MEI4: variants seen among roughly 807,000 people sequenced by gnomAD.
MEI4 encodes meiosis-specific protein MEI4.
A neutral mutation model predicts 31.4 loss-of-function variants in MEI4; 27 were observed. The observed-to-expected ratio is 0.86, with a 90% confidence interval of 0.63 to 1.19. The LOEUF (loss-of-function observed/expected upper bound fraction) is 1.19, where lower values mean the gene tolerates loss of function less well. MEI4 is among the 50% of genes most tolerant of loss of function. MEI4 has a pLI of 0.00. For synonymous variants in MEI4, 122 were observed against 145.4 expected (o/e 0.84, Z 1.16); for missense variants, 329 against 398.9 (o/e 0.82, Z 1.49).
chr6:77,893,908 C>A (rs1397490890), intron 4 of MEI4, among the ~76,000 whole-genome samples: 1 of 152,026 alleles, frequency 6.6e-6, no homozygotes, highest in Non-Finnish European at 1.5e-5. Context: ...TACATATGAA[C>A]CTTCCTTAAA....
At chr6:77,843,229 A>G (rs1440163583) in intron 4 of MEI4, among the ~76,000 whole-genome samples, 1 of 151,942 alleles carries the variant, frequency 6.6e-6, no homozygotes, top group Non-Finnish European at 1.5e-5. Flanking sequence ...TACTTGAGAG[A>G]AGCAGCTCAT....
intron 2 of MEI4, among the ~76,000 whole-genome samples, chr6:77,747,236 C>T (rs1767634923): frequency 6.6e-6 from 1 of 151,944 alleles, no homozygotes; most frequent in African/African-American, 2.4e-5. Flanking sequence ...CACTTGAACC[C>T]AGGAAGCAGA....
chr6:77,850,070 T>C (rs1770579175), intron 4 of MEI4, among the ~76,000 whole-genome samples: 1 of 152,186 alleles, frequency 6.6e-6, no homozygotes, highest in Non-Finnish European at 1.5e-5. Context: ...ATTTCATTTG[T>C]CCTTCAACTA....
In MEI4 at chr6:77,841,343, T is replaced by A. The variant is rs1307889439; in HGVS notation, c.900+12281T>A. Among the ~76,000 whole-genome samples the A allele has an allele frequency of 1.8e-4, 12 of 65,756 alleles. 1 individual carries two copies. Among genetic ancestry groups the A allele is most frequent in the African/African-American group, 6.1e-4 (9 of 14,860 alleles). The allele number at this position is 65,756 out of a possible 152,430, so 43.1% of individuals were successfully genotyped here. On this transcript the variant is annotated intron_variant, in intron 4 of 4. Transcript: ENST00000684080. The stretch of plus-strand genomic sequence containing the variant: ...TATATATATATATATATTTTTTTTT[T>A]TTTTTTTTTTTTTGAGATGGAGTTT...
intron 4 of MEI4, among the ~76,000 whole-genome samples, chr6:77,905,475 C>CTTTTTTTTTTTTT (rs70974691): frequency 3.2e-5 from 3 of 93,344 alleles, no homozygotes; most frequent in Non-Finnish European, 6.3e-5. Flanking sequence ...AAATTTTCAG[C>CTTTTTTTTTTTTT]TTTTTTTTTT....
At chr6:77,842,476 T>G (rs1254388106) in intron 4 of MEI4, among the ~76,000 whole-genome samples, 1 of 151,034 alleles carries the variant, frequency 6.6e-6, no homozygotes, top group African/African-American at 2.5e-5. Flanking sequence ...TATAAGAAAC[T>G]AGAATAGCAA....
intron 3 of MEI4, among the ~76,000 whole-genome samples, chr6:77,777,614 A>G (rs2127688990): frequency 6.6e-6 from 1 of 152,314 alleles, no homozygotes; most frequent in South Asian, 2.1e-4. Context: ...ACTAAAGCTT[A>G]CAGTGCACAA....
chr6:77,818,355 G>A (rs988971087), intron 3 of MEI4, among the ~76,000 whole-genome samples: 4 of 152,068 alleles, frequency 2.6e-5, no homozygotes, highest in Non-Finnish European at 5.9e-5. Context: ...CCCATTAGAA[G>A]TATAATGGTA....
At chr6:77,716,635 G>A in intron 2 of MEI4, among the ~76,000 whole-genome samples, 1 of 152,272 alleles carries the variant, frequency 6.6e-6, no homozygotes, top group East Asian at 1.9e-4. Flanking sequence ...TCGGGATGGT[G>A]AACAATGGTG....
At chr6:77,732,071 A>G (rs946871612) in intron 2 of MEI4, among the ~76,000 whole-genome samples, 1 of 150,452 alleles carries the variant, frequency 6.6e-6, no homozygotes, top group Non-Finnish European at 1.5e-5. Context: ...TGATGCCTCC[A>G]GCTTTGTTCT....
chr6:77,650,896 G>A (rs140658026), upstream of MEI4, among the ~76,000 whole-genome samples: 460 of 152,296 alleles, frequency 3.0e-3, no homozygotes, highest in African/African-American at 9.8e-3. Context: ...AGAGAGGCCT[G>A]TGTTTTGAGG....
Position 77,800,420 on chromosome 6 carries a change from A to G in MEI4, c.769-28511A>G, listed in dbSNP as rs1160346913. Among the ~76,000 whole-genome samples the G allele has an allele frequency of 2.6e-5, 4 of 152,330 alleles. No homozygotes were observed. In the East Asian group the frequency reaches 7.7e-4, roughly 29 times the overall value. On this transcript the variant is annotated intron_variant, in intron 3 of 4. Transcript: ENST00000684080. ...GCTGAGACAATGGGGTTTTCTAGAT[A>G]TACAATCAAGTCATCTGCAAACAGG... is the stretch of plus-strand genomic sequence containing the variant.
intron 2 of MEI4, among the ~76,000 whole-genome samples, chr6:77,714,237 T>A (rs1513022): frequency 0.43 from 56,992 of 132,596 alleles, 11,412 homozygotes; most frequent in African/African-American, 0.54. Context: ...CTTAAAAATT[T>A]AAAAAAAAAA....
At chr6:77,745,382 C>T (rs1358141720) in intron 2 of MEI4, among the ~76,000 whole-genome samples, 3 of 152,170 alleles carry the variant, frequency 2.0e-5, no homozygotes, top group Non-Finnish European at 1.5e-5. Context: ...AAGGCCATTA[C>T]ATAATGGTAA....
At chr6:77,728,005 T>G (rs569312619) in intron 2 of MEI4, among the ~76,000 whole-genome samples, 1 of 152,352 alleles carries the variant, frequency 6.6e-6, no homozygotes, top group Non-Finnish European at 1.5e-5. Context: ...GTAAGATTTA[T>G]AAGTTGCACA....
At chr6:77,738,939 T>C (rs1165562509) in intron 2 of MEI4, among the ~76,000 whole-genome samples, 1 of 152,174 alleles carries the variant, frequency 6.6e-6, no homozygotes, top group Non-Finnish European at 1.5e-5. Flanking sequence ...GATGGGGTTG[T>C]TTTTTTCTTG....
chr6:77,925,020 A>C lies in MEI4; in HGVS notation c.*1674A>C, dbSNP rs555395359. Reference sequence around the variant, plus strand: ...GTGAACACCTGTGAAGGCTTATGGAAGTCACTTCAGTTGATATAGCATTAC... The same window carrying C: ...GTGAACACCTGTGAAGGCTTATGGACGTCACTTCAGTTGATATAGCATTAC... On this transcript the variant is annotated 3_prime_UTR_variant, in exon 5 of 5. Coordinates refer to ENST00000684080, the MANE Select transcript of MEI4 (RefSeq NM_001322247.2). 2 of 152,008 alleles carry C rather than the reference A, an allele frequency of 1.3e-5. No homozygotes were observed. Among genetic ancestry groups the C allele is most frequent in the Middle Eastern group, 3.4e-3 (1 of 292 alleles). The allele number at this position is 152,008 out of a possible 1,614,324, so 9.4% of individuals were successfully genotyped here. A position where few individuals can be genotyped will look rare whatever the true frequency, so the allele number is the denominator to read the frequency against.
At chr6:77,801,646 C>T (rs1769262884) in intron 3 of MEI4, among the ~76,000 whole-genome samples, 1 of 152,286 alleles carries the variant, frequency 6.6e-6, no homozygotes, top group Admixed American at 6.5e-5. Context: ...TTTCCCTCTA[C>T]ACGCTGCTTT....
At chr6:77,897,724 G>A (rs1448267615) in intron 4 of MEI4, among the ~76,000 whole-genome samples, 1 of 151,896 alleles carries the variant, frequency 6.6e-6, no homozygotes, top group Non-Finnish European at 1.5e-5. Flanking sequence ...GCCATTATCT[G>A]TATAAAGCAA....
Sources: allele counts gnomAD v4.1 joint callset (sites outside exome capture counted in the v4.1 genomes callset), GRCh38; gene constraint gnomAD v4.1.1; transcripts MANE v1.5; gene names NCBI Gene and HGNC (gene_info 2026-07-23, HGNC 2026-07-21).